The following GALNT18 variants were observed in gnomAD, a reference collection of about 807,000 sequenced individuals.
The protein encoded by GALNT18 is polypeptide N-acetylgalactosaminyltransferase 18.
A neutral mutation model predicts 69.5 loss-of-function variants in GALNT18; 44 were observed. The observed-to-expected ratio is 0.63, with a 90% CI of 0.50 to 0.81. The LOEUF is 0.81. GALNT18 is among the 40% of genes least tolerant of loss of function. The probability of loss-of-function intolerance (pLI) is 0.00; values close to 1 mark genes in which losing one functional copy is unlikely to be tolerated. For synonymous variants in GALNT18, 364 were observed against 318.2 expected, an observed-to-expected ratio of 1.14 and a Z score of -1.53; for missense variants, 715 against 810.0, an observed-to-expected ratio of 0.88 and a Z score of 1.42.
intron 1 of GALNT18, among the ~76,000 whole-genome samples, chr11:11,501,856 G>C (rs1292811309): frequency 6.6e-6 from 1 of 152,184 alleles, no homozygotes; most frequent in Non-Finnish European, 1.5e-5. Context: ...GCCTGGGAAG[G>C]TTCTGCCCTC....
intron 6 of GALNT18, among the ~76,000 whole-genome samples, chr11:11,368,587 GT>G (rs995372880): frequency 6.6e-6 from 1 of 152,046 alleles, no homozygotes; most frequent in Non-Finnish European, 1.5e-5. Flanking sequence ...CTATTTTCCA[GT>G]TTCTTAATTT....
At position 11,463,713 on chromosome 11, in the gene GALNT18, T is replaced by A. The variant is rs1856097250; in HGVS notation, c.236-14777A>T. 2.0e-5 allele frequency among the ~76,000 whole-genome samples: 3 copies of A among 152,120 alleles called. No homozygotes were observed. The highest frequency in any genetic ancestry group is 2.0e-4 in the Admixed American group (3 of 15,276). Reference sequence around the variant, plus strand: ...CTCCCAACCCCAGGCCCTGGCAGGATAGGGAAAGGCTTTGAATCCACGTCA... The same window carrying A: ...CTCCCAACCCCAGGCCCTGGCAGGAAAGGGAAAGGCTTTGAATCCACGTCA... On this transcript the variant is annotated intron_variant, in intron 1 of 10. Coordinates refer to ENST00000227756, the MANE Select transcript of GALNT18 (RefSeq NM_198516.3). The surrounding 1 kb of genome is among the most constrained non-coding windows in gnomAD (Gnocchi z 4.2).
At chr11:11,393,244 G>T (rs1854236836) in intron 3 of GALNT18, among the ~76,000 whole-genome samples, 1 of 152,168 alleles carries the variant, frequency 6.6e-6, no homozygotes, top group East Asian at 1.9e-4. Context: ...GACTGGAAGG[G>T]ATTGGTATTG....
intron 3 of GALNT18, among the ~76,000 whole-genome samples, chr11:11,406,624 C>G (rs1020233245): frequency 9.9e-5 from 15 of 152,278 alleles, no homozygotes; most frequent in Admixed American, 9.8e-4. Context: ...AGTTGAACAC[C>G]AGGGACCCAG....
rs200063803 is a variant in GALNT18 at position 11,271,233 on chromosome 11, C to G, written c.1735G>C (p.Asp579His). 1.9e-6 allele frequency: 3 copies of G among 1,614,004 alleles called. No individual in the cohort carries two copies. The highest frequency in any genetic ancestry group is 2.7e-5 in the African/African-American group (2 of 74,926). Residue 579 changes from aspartate (D) to histidine (H), a missense_variant, in exon 11 of 11, where the codon GAC (aspartate) becomes CAC (histidine). Transcript: ENST00000227756. Reference protein sequence around the residue: ...KRCLELQENSDLEFGFQLVLQ... With the variant: ...KRCLELQENSHLEFGFQLVLQ... ...ACCAGCTGGAAGCCGAACTCCAGGT[C>G]GCTATTCTCCTGCAGCTCCAGACAG...
At position 11,621,897 on chromosome 11, in the gene GALNT18, G is replaced by C. The variant is rs1472632016; in HGVS notation, c.-304C>G. On this transcript the variant is annotated 5_prime_UTR_variant, in exon 1 of 11. An upstream open reading frame in the 5' UTR gains an earlier in-frame stop. Coordinates refer to ENST00000227756, the MANE Select transcript of GALNT18 (RefSeq NM_198516.3). The surrounding 1 kb of genome is among the most constrained non-coding windows in gnomAD (Gnocchi z 9.3). ...AGCCGGCAGCCGCGCGTCCAGATGT[G>C]TACGTCTGGGAAACTTTGCCACTGC... 7 of 252,972 alleles carry C rather than the reference G, an allele frequency of 2.8e-5. No homozygotes were observed. Among genetic ancestry groups the C allele is most frequent in the Non-Finnish European group, 4.5e-5 (6 of 133,202 alleles). The allele number at this position is 252,972 out of a possible 1,614,324, so 15.7% of individuals were successfully genotyped here. A position where few individuals can be genotyped will look rare whatever the true frequency, so the allele number is the denominator to read the frequency against.
intron 9 of GALNT18, among the ~76,000 whole-genome samples, chr11:11,304,671 G>A (rs549606127): frequency 6.6e-6 from 1 of 152,168 alleles, no homozygotes; most frequent in African/African-American, 2.4e-5. Context: ...CTCCTATGAT[G>A]CTTCTTCCTG....
At chr11:11,399,087 A>G (rs573216214) in intron 3 of GALNT18, among the ~76,000 whole-genome samples, 1 of 152,148 alleles carries the variant, frequency 6.6e-6, no homozygotes, top group Non-Finnish European at 1.5e-5. Context: ...AGAAGGTGGG[A>G]CCTTTGAGAG....
chr11:11,526,031 G>A (rs949136705), intron 1 of GALNT18, among the ~76,000 whole-genome samples: 1 of 152,170 alleles, frequency 6.6e-6, no homozygotes, highest in Non-Finnish European at 1.5e-5. Context: ...CCTGGAGTGG[G>A]GGAAAGGTAT....
At chr11:11,427,920 T>A (rs1304234971) in intron 3 of GALNT18, among the ~76,000 whole-genome samples, 2 of 152,094 alleles carry the variant, frequency 1.3e-5, no homozygotes, top group Non-Finnish European at 2.9e-5. Context: ...TCGTGGCACA[T>A]GAGAAAACCT....
At chr11:11,304,315 A>G (rs567368186) in intron 9 of GALNT18, among the ~76,000 whole-genome samples, 1 of 152,270 alleles carries the variant, frequency 6.6e-6, no homozygotes, top group South Asian at 2.1e-4. Context: ...AATTTGTTTT[A>G]TTTGTTGTTG....
intron 3 of GALNT18, among the ~76,000 whole-genome samples, chr11:11,400,306 A>T (rs1405267308): frequency 6.6e-6 from 1 of 152,236 alleles, no homozygotes; most frequent in Non-Finnish European, 1.5e-5. Flanking sequence ...GTGCAGTAAC[A>T]TGCCTTTGTT....
At position 11,385,445 on chromosome 11, in the gene GALNT18, GCCA is replaced by G. The variant is rs557313198; in HGVS notation, c.596-6184_596-6182del. On this transcript the variant is annotated intron_variant, in intron 3 of 10. Coordinates refer to ENST00000227756, the MANE Select transcript of GALNT18 (RefSeq NM_198516.3). ...CCAGCAGCTGGGACTACAGGCGCTC[GCCA>G]CCACATCCGGCTAATTTTTTGTATT... 2.2e-3 allele frequency among the ~76,000 whole-genome samples: 331 copies of G among 152,112 alleles called. 1 individual carries two copies. The highest frequency in any genetic ancestry group is 7.5e-3 in the African/African-American group (311 of 41,484).
chr11:11,414,684 T>C (rs1854811870), intron 3 of GALNT18, among the ~76,000 whole-genome samples: 1 of 152,226 alleles, frequency 6.6e-6, no homozygotes. Context: ...TCTCCCACAC[T>C]ACGCTGGGAG....
At chr11:11,300,484 T>C (rs1049997997) in intron 9 of GALNT18, among the ~76,000 whole-genome samples, 4 of 152,196 alleles carry the variant, frequency 2.6e-5, no homozygotes, top group African/African-American at 9.6e-5. Context: ...TCTTCAGATA[T>C]TTATCCATAT....
intron 1 of GALNT18, among the ~76,000 whole-genome samples, chr11:11,479,791 G>A (rs1050556545): frequency 2.0e-5 from 3 of 152,138 alleles, no homozygotes; most frequent in African/African-American, 7.2e-5. Context: ...ACACTCTGAA[G>A]CTTGTGGACC....
intron 9 of GALNT18, among the ~76,000 whole-genome samples, chr11:11,303,319 C>T (rs2133019646): frequency 6.6e-6 from 1 of 152,310 alleles, no homozygotes; most frequent in African/African-American, 2.4e-5. Flanking sequence ...GCACTGGCAC[C>T]AGCAGCCCCC....
At chr11:11,426,408 T>A (rs115324772) in intron 3 of GALNT18, among the ~76,000 whole-genome samples, 1,669 of 152,178 alleles carry the variant, frequency 0.011, 39 homozygotes, top group African/African-American at 0.038. Context: ...GGACAACAAT[T>A]AGAACAGTGA....
chr11:11,465,447 G>A lies in GALNT18; in HGVS notation c.236-16511C>T, dbSNP rs894775800. Among the ~76,000 whole-genome samples, 2 of 152,134 alleles carry A rather than the reference G, an allele frequency of 1.3e-5. No individual in the cohort carries two copies. Among genetic ancestry groups the A allele is most frequent in the Non-Finnish European group, 2.9e-5 (2 of 68,024 alleles). ...TGCTGCTCCTCCAGGCTGCACGGACGGTGTCACGCTGCCCTCTGATCCTGG... is the reference window on the plus strand; with the variant it reads ...TGCTGCTCCTCCAGGCTGCACGGACAGTGTCACGCTGCCCTCTGATCCTGG... On this transcript the variant is annotated intron_variant, in intron 1 of 10. Coordinates refer to ENST00000227756, the MANE Select transcript of GALNT18 (RefSeq NM_198516.3). The surrounding 1 kb of genome is among the most constrained non-coding windows in gnomAD (Gnocchi z 5.7).
Sources: allele counts gnomAD v4.1 joint callset (sites outside exome capture counted in the v4.1 genomes callset), GRCh38; gene constraint gnomAD v4.1.1; non-coding constraint Gnocchi (gnomAD v3.1); transcripts MANE v1.5; gene names NCBI Gene and HGNC (gene_info 2026-07-23, HGNC 2026-07-21).